EVI5L: variants seen among roughly 807,000 people sequenced by gnomAD.
EVI5L encodes ecotropic viral integration site 5 like, also known as EVI5-like protein.
EVI5L carries 30 observed loss-of-function variants against 106.1 expected under a neutral mutation model. The ratio of observed to expected loss-of-function variants is 0.28; its 90% CI spans 0.21 to 0.38. The LOEUF (loss-of-function observed/expected upper bound fraction) is 0.38, where lower values mean the gene tolerates loss of function less well. Ranked by LOEUF, EVI5L falls within the 10% of genes least tolerant of loss-of-function variation. The pLI, the probability that EVI5L is intolerant of heterozygous loss-of-function variation, is 1.00. For synonymous variants in EVI5L, 489 were observed against 483.3 expected, an observed-to-expected ratio of 1.01 and a Z score of -0.15; for missense variants, 809 against 1,098.0, an observed-to-expected ratio of 0.74 and a Z score of 3.72.
intron 1 of EVI5L, among the ~76,000 whole-genome samples, chr19:7,833,351 C>G (rs1978302701): frequency 6.6e-6 from 1 of 152,244 alleles, no homozygotes; most frequent in South Asian, 2.1e-4. Flanking sequence ...CCGCCATGTG[C>G]TCAGCACCAT....
chr19:7,837,293 T>C (rs1273327153), intron 1 of EVI5L, among the ~76,000 whole-genome samples: 1 of 151,926 alleles, frequency 6.6e-6, no homozygotes, highest in Non-Finnish European at 1.5e-5. Context: ...ATCACACCAC[T>C]GCACTCCAGC....
At position 7,851,476 on chromosome 19, in the gene EVI5L, T is replaced by C. The variant is rs771797478; in HGVS notation, c.796T>C (p.Phe266Leu). 2 of 1,613,038 alleles carry C rather than the reference T, an allele frequency of 1.2e-6. No individual in the cohort carries two copies. The highest frequency in any genetic ancestry group is 1.7e-5 in the Admixed American group (1 of 59,832). ...DLNTHFRSQS[F>L]HTSMYASSWF... ...CAACACCCACTTCCGTTCCCAAAGC[T>C]TCCACACATCCATGTATGCCTCGTC... The change falls in exon 7 of 20, where the codon TTC becomes CTC. Residue 266 changes from phenylalanine to leucine, a missense_variant. Phe to Leu is a conservative substitution (Grantham distance 22). This residue lies in a region of EVI5L where 357 missense variants were observed against 588.1 expected (regional missense o/e 0.61). Transcript: ENST00000538904.
chr19:7,843,350 G>T (rs1469667908), intron 1 of EVI5L, among the ~76,000 whole-genome samples: 2 of 148,370 alleles, frequency 1.3e-5, no homozygotes, highest in Non-Finnish European at 3.0e-5. Flanking sequence ...GTGTGTATAG[G>T]TGTGTGAGTG....
At chr19:7,861,847 C>T in intron 14 of EVI5L, 31 bp from the exon 15 acceptor site, 1 of 1,549,102 alleles carries the variant, frequency 6.5e-7, no homozygotes, top group Non-Finnish European at 8.7e-7. Context: ...CTGCGCTGCT[C>T]CCCCAGGCCC....
intron 1 of EVI5L, among the ~76,000 whole-genome samples, chr19:7,840,388 G>C (rs1276227037): frequency 6.6e-6 from 1 of 152,180 alleles, no homozygotes; most frequent in African/African-American, 2.4e-5. Flanking sequence ...TGAGGCAGGA[G>C]AATTGCTTGA....
In EVI5L at chr19:7,850,824, G is replaced by A. The variant is rs1261836602; in HGVS notation, c.754-610G>A. 6.6e-6 allele frequency among the ~76,000 whole-genome samples: 1 copy of A among 152,184 alleles called. No homozygotes were observed. The highest frequency in any genetic ancestry group is 1.5e-5 in the Non-Finnish European group (1 of 68,030). On this transcript the variant is annotated intron_variant, in intron 6 of 19. Coordinates refer to ENST00000538904, the MANE Select transcript of EVI5L (RefSeq NM_001159944.3). This position sits in a 1 kb window ranked among gnomAD's most constrained non-coding sequence, Gnocchi z 5.4. ...GGTAGCAGAGCCCTCCCACAGCCAA[G>A]CTTGCAAACTCAGGGCGCAGAGAGC...
At position 7,835,715 on chromosome 19, in the gene EVI5L, G is replaced by A. The variant is rs1282125857; in HGVS notation, c.-48+5334G>A. Reference sequence around the variant, plus strand: ...AGGCAGGGACCTCTGAATTCAAGCCGCTGTTCTTGTTATCCAAGGGGCAGC... The same window carrying A: ...AGGCAGGGACCTCTGAATTCAAGCCACTGTTCTTGTTATCCAAGGGGCAGC... On this transcript the variant is annotated intron_variant, in intron 1 of 19. Coordinates refer to ENST00000538904, the MANE Select transcript of EVI5L (RefSeq NM_001159944.3). The surrounding 1 kb of genome is among the most constrained non-coding windows in gnomAD (Gnocchi z 4.1). Among the ~76,000 whole-genome samples the A allele has an allele frequency of 3.3e-5, 5 of 152,122 alleles. No homozygotes were observed. Among genetic ancestry groups the A allele is most frequent in the East Asian group, 3.8e-4 (2 of 5,198 alleles).
chr19:7,839,749 C>T (rs1322529491), intron 1 of EVI5L, among the ~76,000 whole-genome samples: 1 of 95,764 alleles, frequency 1.0e-5, no homozygotes, highest in African/African-American at 3.3e-5. Flanking sequence ...CATAGTGAGA[C>T]CCCAAGTCTC....
Position 7,850,172 on chromosome 19 carries a change from T to A in EVI5L, c.753+50T>A, listed in dbSNP as rs1807589788. The A allele has an allele frequency of 6.4e-7, 1 of 1,569,678 alleles. No homozygotes were observed. The highest frequency in any genetic ancestry group is 8.6e-7 in the Non-Finnish European group (1 of 1,158,942). ...GGCTGCAGGAGGGCAGGGCCACAGG[T>A]GGGCAGGGCCGCAAGGGAGCAGGAT... On this transcript the variant is annotated intron_variant, in intron 6 of 19. Coordinates refer to ENST00000538904, the MANE Select transcript of EVI5L (RefSeq NM_001159944.3). This position sits in a 1 kb window ranked among gnomAD's most constrained non-coding sequence, Gnocchi z 5.4.
Position 7,848,041 on chromosome 19 carries a change from G to A in EVI5L, c.327+120G>A, listed in dbSNP as rs1338841380. ...CAGCCTGGGCACAGCGGCAGCAGTG[G>A]AGATGTGCAGGCACTTTCAGGGTGT... is the stretch of plus-strand genomic sequence containing the variant. On this transcript the variant is annotated intron_variant, in intron 3 of 19. Coordinates refer to ENST00000538904, the MANE Select transcript of EVI5L (RefSeq NM_001159944.3). The surrounding 1 kb of genome is among the most constrained non-coding windows in gnomAD (Gnocchi z 4.8). 1.4e-5 allele frequency: 15 copies of A among 1,091,812 alleles called. No individual in the cohort carries two copies. Among genetic ancestry groups the A allele is most frequent in the Non-Finnish European group, 1.9e-5 (15 of 781,142 alleles). 67.6% of individuals were successfully genotyped at this position (1,091,812 alleles called of 1,614,324 possible).
At chr19:7,849,188 A>C in intron 4 of EVI5L, 43 bp downstream of exon 4, 1 of 1,612,676 alleles carries the variant, frequency 6.2e-7, no homozygotes, top group Admixed American at 1.7e-5. Context: ...CAAAGGAAGG[A>C]GAAGTTCCCC....
rs796839423 is a variant in EVI5L, at chr19:7,842,246, CAA to C, written c.-47-4249_-47-4248del. Among the ~76,000 whole-genome samples the C allele has an allele frequency of 6.5e-3, 974 of 150,090 alleles. 10 individuals carry two copies. The highest frequency in any genetic ancestry group is 0.023 in the African/African-American group (936 of 40,750). On this transcript the variant is annotated intron_variant, in intron 1 of 19. Coordinates refer to ENST00000538904, the MANE Select transcript of EVI5L (RefSeq NM_001159944.3). ...TGAATATGCATAGGTGTGTGTGCAT[CAA>C]GTGTGTGCATGTGTACATGTGTATG...
rs1403362927 is a variant in EVI5L, at chr19:7,856,533, A to T, written c.1200+465A>T. ...CACAGCCCGGACTCTGCTCCCCAAC[A>T]TGCTAAAGATGGGGGTGGAATTGGG... On this transcript the variant is annotated intron_variant, in intron 11 of 19. Coordinates refer to ENST00000538904, the MANE Select transcript of EVI5L (RefSeq NM_001159944.3). The surrounding 1 kb of genome is among the most constrained non-coding windows in gnomAD (Gnocchi z 6.6). Among the ~76,000 whole-genome samples, 5 of 151,982 alleles carry T rather than the reference A, an allele frequency of 3.3e-5. No homozygotes were observed. Among genetic ancestry groups the T allele is most frequent in the Admixed American group, 1.3e-4 (2 of 15,296 alleles).
chr19:7,840,874 G>A (rs753757163), intron 1 of EVI5L, among the ~76,000 whole-genome samples: 1 of 152,140 alleles, frequency 6.6e-6, no homozygotes, highest in African/African-American at 2.4e-5. Flanking sequence ...CCCGTTGATG[G>A]ACATGTGGAT....
At chr19:7,862,651 C>G in intron 17 of EVI5L, 117 bp downstream of exon 17, 2 of 950,690 alleles carry the variant, frequency 2.1e-6, no homozygotes, top group Non-Finnish European at 2.8e-6. Flanking sequence ...TGCCCCTGCC[C>G]GCGGTCCTCC....
chr19:7,858,353 T>G lies in EVI5L; in HGVS notation c.1374+22T>G. 5 of 1,537,606 alleles carry G rather than the reference T, an allele frequency of 3.3e-6. No homozygotes were observed. The highest frequency in any genetic ancestry group is 4.4e-6 in the Non-Finnish European group (5 of 1,144,416). ...GCAGGTAGGGGCGGGTGTGCGGGGCTGCTGGGCGGGGCCATGACCCGCGCC... is the reference window on the plus strand; with the variant it reads ...GCAGGTAGGGGCGGGTGTGCGGGGCGGCTGGGCGGGGCCATGACCCGCGCC... On this transcript the variant is annotated intron_variant, in intron 13 of 19. Transcript: ENST00000538904. The surrounding 1 kb of genome is among the most constrained non-coding windows in gnomAD (Gnocchi z 5.7).
At chr19:7,841,272 A>G (rs1215827589) in intron 1 of EVI5L, among the ~76,000 whole-genome samples, 1 of 152,046 alleles carries the variant, frequency 6.6e-6, no homozygotes, top group African/African-American at 2.4e-5. Flanking sequence ...TGGTCATTTA[A>G]GCCCCAAGAA....
At position 7,850,461 on chromosome 19, in the gene EVI5L, G is replaced by A. The variant is rs1979186671; in HGVS notation, c.753+339G>A. Among the ~76,000 whole-genome samples, 1 of 152,186 alleles carries A rather than the reference G, an allele frequency of 6.6e-6. No individual in the cohort carries two copies. Among genetic ancestry groups the A allele is most frequent in the Non-Finnish European group, 1.5e-5 (1 of 68,026 alleles). On this transcript the variant is annotated intron_variant, in intron 6 of 19. Coordinates refer to ENST00000538904, the MANE Select transcript of EVI5L (RefSeq NM_001159944.3). This position sits in a 1 kb window ranked among gnomAD's most constrained non-coding sequence, Gnocchi z 5.4. Reference sequence around the variant, plus strand: ...CTGTCTGCTCCAGAGTGTGGTGGAAGGAGGGAGTGTTGTCTGCCTGCCTGA... The same window carrying A: ...CTGTCTGCTCCAGAGTGTGGTGGAAAGAGGGAGTGTTGTCTGCCTGCCTGA...
intron 17 of EVI5L, 104 bp downstream of exon 17, chr19:7,862,638 A>T: frequency 9.7e-7 from 1 of 1,030,090 alleles, no homozygotes. Flanking sequence ...CTGCCTCCCG[A>T]TCTGCCCCTG....
Sources: allele counts gnomAD v4.1 joint callset (sites outside exome capture counted in the v4.1 genomes callset), GRCh38; gene constraint gnomAD v4.1.1; regional missense constraint gnomAD v4.1.1; non-coding constraint Gnocchi (gnomAD v3.1); transcripts MANE v1.5; gene names NCBI Gene and HGNC (gene_info 2026-07-23, HGNC 2026-07-21).